The following TP53BP1 variants were observed in gnomAD, a reference collection of about 807,000 sequenced individuals.
TP53BP1 encodes the protein TP53-binding protein 1.
A neutral mutation model predicts 200.8 loss-of-function variants in TP53BP1; 61 were observed. That is an observed-to-expected ratio of 0.30 (90% CI 0.25 to 0.38). The LOEUF is 0.38. TP53BP1 is among the 10% of genes least tolerant of loss of function. The pLI is 1.00. For synonymous variants in TP53BP1, 822 were observed against 844.3 expected (o/e 0.97, Z 0.46); for missense variants, 2,144 against 2,371.9 (o/e 0.90, Z 2.00).
At chr15:43,438,831 T>C (rs1252071263) in intron 15 of TP53BP1, among the ~76,000 whole-genome samples, 2 of 150,800 alleles carry the variant, frequency 1.3e-5, no homozygotes, top group African/African-American at 4.9e-5. Context: ...CTTATTTAGA[T>C]CTTGAGTCAA....
At chr15:43,438,695 T>A (rs993753529) in intron 15 of TP53BP1, among the ~76,000 whole-genome samples, 3 of 114,728 alleles carry the variant, frequency 2.6e-5, no homozygotes, top group African/African-American at 1.1e-4. Context: ...TACAACAATC[T>A]GTACCTTCAA....
At chr15:43,409,124 G>A (rs1466782046) in intron 25 of TP53BP1, 28 bp from the exon 26 acceptor site, 2 of 1,608,462 alleles carry the variant, frequency 1.2e-6, no homozygotes, top group African/African-American at 1.3e-5. Flanking sequence ...GAGCCAATGG[G>A]TTTGGTGACT....
At chr15:43,408,254 G>C in intron 26 of TP53BP1, 166 bp from the exon 27 acceptor site, 1 of 680,806 alleles carries the variant, frequency 1.5e-6, no homozygotes. Flanking sequence ...GTCGTGGTTG[G>C]ATCTCTTGGG....
Position 43,450,388 on chromosome 15 carries a change from G to A in TP53BP1, c.2717-2903C>T, listed in dbSNP as rs931319586. Among the ~76,000 whole-genome samples, 7 of 152,198 alleles carry A rather than the reference G, an allele frequency of 4.6e-5. No homozygotes were observed. The Middle Eastern group carries it at 0.01, about 222-fold the overall frequency. ...AAATGTAAGAATTTATATATCCGGC[G>A]ATATCATGCATGAAGTCTACCCCAA... On this transcript the variant is annotated intron_variant, in intron 12 of 27. Coordinates refer to ENST00000382044, the MANE Select transcript of TP53BP1 (RefSeq NM_001141980.3).
intron 16 of TP53BP1, 23 bp downstream of exon 16, chr15:43,438,301 G>A: frequency 6.2e-7 from 1 of 1,607,286 alleles, no homozygotes; most frequent in Non-Finnish European, 8.5e-7. Flanking sequence ...GAGCCCAAAA[G>A]ATTCTATAAA....
chr15:43,410,925 A>G (rs1316135040), intron 24 of TP53BP1, among the ~76,000 whole-genome samples: 1 of 152,170 alleles, frequency 6.6e-6, no homozygotes, highest in Non-Finnish European at 1.5e-5. Flanking sequence ...ATCCCAAAAC[A>G]GAAACTCTAA....
At position 43,438,338 on chromosome 15, in the gene TP53BP1, G is replaced by C; in HGVS notation, c.3177C>G (p.Pro1059=). The change falls in exon 16 of 28, where the codon CCC becomes CCG. Residue 1059 remains proline, a synonymous_variant. Coordinates refer to ENST00000382044, the MANE Select transcript of TP53BP1 (RefSeq NM_001141980.3). Reference sequence around the variant, plus strand: ...ATAATGCTTACCTGATGGGTGTGGTGGGGGGATCCTCACTTCGAGCCTCAT... The same window carrying C: ...ATAATGCTTACCTGATGGGTGTGGTCGGGGGATCCTCACTTCGAGCCTCAT... ...QENEARSEDP[P]TTPIRGNLLH... The C allele has an allele frequency of 6.2e-7, 1 of 1,613,110 alleles. No homozygotes were observed. The highest frequency in any genetic ancestry group is 1.1e-5 in the South Asian group (1 of 90,856).
intron 2 of TP53BP1, 22 bp from the exon 3 acceptor site, chr15:43,492,117 T>C: frequency 6.4e-7 from 1 of 1,572,782 alleles, no homozygotes; most frequent in Non-Finnish European, 8.7e-7. Context: ...ACATACAAAA[T>C]ATCCCCATTA....
intron 15 of TP53BP1, among the ~76,000 whole-genome samples, chr15:43,440,366 T>G (rs1405070825): frequency 2.0e-5 from 3 of 151,770 alleles, no homozygotes; most frequent in African/African-American, 7.3e-5. Flanking sequence ...AAAAAAAAAA[T>G]TAGCCAGGCG....
chr15:43,433,286 A>G (rs1404020284), intron 16 of TP53BP1, among the ~76,000 whole-genome samples: 1 of 152,238 alleles, frequency 6.6e-6, no homozygotes, highest in East Asian at 1.9e-4. Context: ...ACAGTTCTTA[A>G]GATACAGCCC....
intron 15 of TP53BP1, among the ~76,000 whole-genome samples, chr15:43,440,637 T>G (rs1463992573): frequency 6.6e-6 from 1 of 152,018 alleles, no homozygotes; most frequent in Non-Finnish European, 1.5e-5. Flanking sequence ...TCTGTAATCC[T>G]AGCACTTTGG....
chr15:43,406,136 G>C lies in TP53BP1; in HGVS notation c.*1247C>G, dbSNP rs1298689390. 1.3e-5 allele frequency: 2 copies of C among 148,588 alleles called. No homozygotes were observed. The highest frequency in any genetic ancestry group is 5.0e-5 in the African/African-American group (2 of 40,376). The allele number at this position is 148,588 out of a possible 1,614,324, so 9.2% of individuals were successfully genotyped here. On this transcript the variant is annotated 3_prime_UTR_variant, in exon 28 of 28. Transcript: ENST00000382044. ...AGTTGTTAGATTTTTAAATACTGAAGATTGCAGGCCCAATTACCCATCTTA... is the reference window on the plus strand; with the variant it reads ...AGTTGTTAGATTTTTAAATACTGAACATTGCAGGCCCAATTACCCATCTTA...
At chr15:43,478,780 G>C (rs1337264195) in intron 7 of TP53BP1, among the ~76,000 whole-genome samples, 2 of 152,208 alleles carry the variant, frequency 1.3e-5, no homozygotes, top group Non-Finnish European at 2.9e-5. Context: ...AAATAAAATA[G>C]TCATGTTACT....
At chr15:43,453,246 A>G (rs1303568561) in intron 12 of TP53BP1, among the ~76,000 whole-genome samples, 1 of 151,642 alleles carries the variant, frequency 6.6e-6, no homozygotes, top group Non-Finnish European at 1.5e-5. Context: ...TATTAAAACA[A>G]TCAAAGAGAC....
At chr15:43,413,999 C>T (rs748799595) in intron 23 of TP53BP1, 1 of 395,274 alleles carries the variant, frequency 2.5e-6, no homozygotes, top group Non-Finnish European at 5.2e-6. Flanking sequence ...AGCCAGAACA[C>T]CCATGCCAAG....
rs531680231 is a variant in TP53BP1, at chr15:43,409,803, T to C, written c.5306-62A>G. 1.0e-3 allele frequency: 803 copies of C among 804,282 alleles called. 20 individuals carry two copies. In the South Asian group the frequency reaches 0.015, roughly 15 times the overall value. The allele number at this position is 804,282 out of a possible 1,614,324, so 49.8% of individuals were successfully genotyped here. ...AGTGGTTTTCTTATTTGCTACCTTA[T>C]GCCTCCTTCTTACTGCCCCCTTTTC... On this transcript the variant is annotated intron_variant, in intron 24 of 27. Coordinates refer to ENST00000382044, the MANE Select transcript of TP53BP1 (RefSeq NM_001141980.3).
intron 16 of TP53BP1, among the ~76,000 whole-genome samples, chr15:43,436,949 C>T (rs749252156): frequency 3.3e-5 from 5 of 151,696 alleles, no homozygotes; most frequent in Non-Finnish European, 7.4e-5. Context: ...ATCACTTGAG[C>T]CCAGGCGTCT....
At chr15:43,491,227 C>T (rs1041121857) in intron 4 of TP53BP1, among the ~76,000 whole-genome samples, 8 of 151,854 alleles carry the variant, frequency 5.3e-5, no homozygotes, top group South Asian at 2.1e-4. Context: ...ATTACAGGCA[C>T]GCACCACCAG....
chr15:43,443,121 C>T (rs1007016913), intron 14 of TP53BP1, among the ~76,000 whole-genome samples: 2 of 151,988 alleles, frequency 1.3e-5, no homozygotes, highest in South Asian at 2.1e-4. Context: ...CCACCACACC[C>T]GGCCAGCAGT....
Sources: allele counts gnomAD v4.1 joint callset (sites outside exome capture counted in the v4.1 genomes callset), GRCh38; gene constraint gnomAD v4.1.1; transcripts MANE v1.5; gene names NCBI Gene and HGNC (gene_info 2026-07-23, HGNC 2026-07-21).